Variants in MAEA observed in about 807,000 individuals in gnomAD.
The protein encoded by MAEA is macrophage erythroblast attacher, E3 ubiquitin ligase, also known as E3 ubiquitin-protein transferase MAEA.
In MAEA, 22 loss-of-function variants were observed where a neutral mutation model predicts 46.2. That is an observed-to-expected ratio of 0.48 (90% CI 0.34 to 0.68). MAEA has a LOEUF of 0.68. Among genes scored for constraint, MAEA ranks in the 30% least tolerant of loss-of-function variants. The pLI, the probability that MAEA is intolerant of heterozygous loss-of-function variation, is 0.01. For missense variants in MAEA, 393 were observed against 558.1 expected, an observed-to-expected ratio of 0.70 and a Z score of 2.98; for synonymous variants, 246 against 222.6, an observed-to-expected ratio of 1.11 and a Z score of -0.94.
chr4:1,319,107 T>A (rs987825615), intron 3 of MAEA, among the ~76,000 whole-genome samples: 7 of 152,294 alleles, frequency 4.6e-5, no homozygotes, highest in African/African-American at 1.7e-4. Flanking sequence ...ATCCTAGCAC[T>A]CTGGGAGGCT....
intron 1 of MAEA, among the ~76,000 whole-genome samples, chr4:1,296,723 G>A (rs1734766905): frequency 6.7e-6 from 1 of 150,350 alleles, no homozygotes; most frequent in Non-Finnish European, 1.5e-5. Context: ...TCAGATTTTT[G>A]CCCCCCAACA....
At chr4:1,313,139 A>T (rs966717846) in intron 2 of MAEA, among the ~76,000 whole-genome samples, 1 of 152,212 alleles carries the variant, frequency 6.6e-6, no homozygotes, top group Non-Finnish European at 1.5e-5. Context: ...GAGGACTGGG[A>T]TGATTGGAGA....
intron 5 of MAEA, chr4:1,328,862 GA>G: frequency 9.6e-7 from 1 of 1,042,412 alleles, no homozygotes; most frequent in Non-Finnish European, 1.2e-6. Flanking sequence ...GGCCTGCAAC[GA>G]GGTCCCTTCT....
At chr4:1,318,550 T>C (rs1435861441) in intron 3 of MAEA, among the ~76,000 whole-genome samples, 1 of 151,792 alleles carries the variant, frequency 6.6e-6, no homozygotes, top group Non-Finnish European at 1.5e-5. Context: ...AAGGCGGGCG[T>C]GTGGAGCCCA....
intron 4 of MAEA, among the ~76,000 whole-genome samples, chr4:1,325,403 C>T (rs763766434): frequency 5.4e-5 from 7 of 129,920 alleles, no homozygotes; most frequent in South Asian, 2.5e-4. Flanking sequence ...AGTGTAGACT[C>T]GGTGTTTTAG....
chr4:1,316,525 T>C (rs1265590722), intron 3 of MAEA, among the ~76,000 whole-genome samples: 2 of 152,120 alleles, frequency 1.3e-5, no homozygotes, highest in Non-Finnish European at 2.9e-5. Context: ...CCCATGGCCC[T>C]GTCCCGGGCC....
intron 1 of MAEA, among the ~76,000 whole-genome samples, chr4:1,293,018 C>T (rs576408922): frequency 1.3e-5 from 2 of 151,652 alleles, no homozygotes; most frequent in Non-Finnish European, 1.5e-5. Context: ...CTCAGCCTCC[C>T]GAGTAGCTGA....
In MAEA at chr4:1,338,772, G is replaced by A. The variant is rs550639632; in HGVS notation, c.1095+155G>A. 1.8e-4 allele frequency: 141 copies of A among 766,156 alleles called. No individual in the cohort carries two copies. The African/African-American group carries it at 2.2e-3, about 12-fold the overall frequency. The allele number at this position is 766,156 out of a possible 1,614,324, so 47.5% of individuals were successfully genotyped here. A position where few individuals can be genotyped will look rare whatever the true frequency, so the allele number is the denominator to read the frequency against. On this transcript the variant is annotated intron_variant, in intron 8 of 8. Transcript: ENST00000303400. ...AGGGCGGGGGGCCAGGCTGGCACGC[G>A]TCGCCATCGGGACAGGGCTGTGTGG...
At chr4:1,309,547 A>G in intron 1 of MAEA, 1 of 1,427,550 alleles carries the variant, frequency 7.0e-7, no homozygotes, top group African/African-American at 1.4e-5. Context: ...CCCTGAACTC[A>G]GATTGGATAG....
Position 1,339,389 on chromosome 4 carries a change from AT to A in MAEA, c.*223del. 3.6e-6 allele frequency: 2 copies of A among 559,606 alleles called. No individual in the cohort carries two copies. Among genetic ancestry groups the A allele is most frequent in the South Asian group, 4.7e-5 (2 of 42,936 alleles). 34.7% of individuals were successfully genotyped at this position (559,606 alleles called of 1,614,324 possible). On this transcript the variant is annotated 3_prime_UTR_variant, in exon 9 of 9. Coordinates refer to ENST00000303400, the MANE Select transcript of MAEA (RefSeq NM_001017405.3). Reference sequence around the variant, plus strand: ...GGTAGGATTTTGTAACACGTCAACCATTTGATGCTTCTGAAAAGTACTTTCA... The same window carrying A: ...GGTAGGATTTTGTAACACGTCAACCATTGATGCTTCTGAAAAGTACTTTCA...
chr4:1,327,772 C>T lies in MAEA; in HGVS notation c.656+69C>T. On this transcript the variant is annotated intron_variant, in intron 5 of 8. Coordinates refer to ENST00000303400, the MANE Select transcript of MAEA (RefSeq NM_001017405.3). ...TTCGGCTGCGGCCCCTGCCAGCCCT[C>T]CCTGTCGTGGTCTGGGTCCTGGGAC... 6 of 1,422,342 alleles carry T rather than the reference C, an allele frequency of 4.2e-6. No individual in the cohort carries two copies. In the South Asian group the frequency reaches 4.6e-5, roughly 11 times the overall value. The allele number at this position is 1,422,342 out of a possible 1,614,324, so 88.1% of individuals were successfully genotyped here.
rs1736549249 is a variant in MAEA, at chr4:1,311,914, G to T, written c.70-65G>T. 2 of 1,455,548 alleles carry T rather than the reference G, an allele frequency of 1.4e-6. No homozygotes were observed. Among genetic ancestry groups the T allele is most frequent in the Admixed American group, 1.8e-5 (1 of 55,262 alleles). 90.2% of individuals were successfully genotyped at this position (1,455,548 alleles called of 1,614,324 possible). On this transcript the variant is annotated intron_variant, in intron 1 of 8. Transcript: ENST00000303400. The surrounding 1 kb of genome is among the most constrained non-coding windows in gnomAD (Gnocchi z 4.4). Reference sequence around the variant, plus strand: ...GCCATGAGGAGACCTGGTGTGTCCTGGGTGTGGGGCTGGTGGGGCTCACAC... The same window carrying T: ...GCCATGAGGAGACCTGGTGTGTCCTTGGTGTGGGGCTGGTGGGGCTCACAC...
intron 5 of MAEA, chr4:1,330,084 G>A (rs1739344948): frequency 3.0e-6 from 3 of 985,514 alleles, no homozygotes; most frequent in Non-Finnish European, 3.6e-6. Context: ...GCTCCGCCCT[G>A]CCTGGGGCAT....
At chr4:1,331,320 C>T (rs768558877) in intron 5 of MAEA, 11 of 151,784 alleles carry the variant, frequency 7.2e-5, no homozygotes, top group Admixed American at 6.6e-5. Flanking sequence ...GATTCACCCC[C>T]GACTCCCAGG....
chr4:1,292,240 C>G (rs1734171922), intron 1 of MAEA, among the ~76,000 whole-genome samples: 1 of 152,176 alleles, frequency 6.6e-6, no homozygotes, highest in Admixed American at 6.5e-5. Flanking sequence ...AATAGTTAAA[C>G]TGCTTTCCTG....
At chr4:1,301,306 C>G in intron 1 of MAEA, among the ~76,000 whole-genome samples, 1 of 152,328 alleles carries the variant, frequency 6.6e-6, no homozygotes, top group Middle Eastern at 3.4e-3. Context: ...ACGCATGTCT[C>G]CACTCACACT....
chr4:1,314,354 C>T (rs1736869925), intron 2 of MAEA, among the ~76,000 whole-genome samples: 1 of 150,712 alleles, frequency 6.6e-6, no homozygotes. Context: ...TTAAAAGGGA[C>T]TAAAATTTCA....
At chr4:1,309,830 C>T (rs2108899936) in intron 1 of MAEA, 4 of 1,359,746 alleles carry the variant, frequency 2.9e-6, no homozygotes, top group Non-Finnish European at 3.8e-6. Flanking sequence ...ACACCAGCTG[C>T]CCGGAGCTCT....
intron 1 of MAEA, among the ~76,000 whole-genome samples, chr4:1,303,981 T>C (rs1301035894): frequency 6.6e-6 from 1 of 151,076 alleles, no homozygotes; most frequent in East Asian, 2.0e-4. Context: ...CCGTGGTGTG[T>C]AGCTCTGCAC....
Sources: allele counts gnomAD v4.1 joint callset (sites outside exome capture counted in the v4.1 genomes callset), GRCh38; gene constraint gnomAD v4.1.1; non-coding constraint Gnocchi (gnomAD v3.1); transcripts MANE v1.5; gene names NCBI Gene and HGNC (gene_info 2026-07-23, HGNC 2026-07-21).